The following MVB12B variants were observed in gnomAD, a reference collection of about 807,000 sequenced individuals.
The protein encoded by MVB12B is multivesicular body subunit 12B.
A neutral mutation model predicts 41.6 loss-of-function variants in MVB12B; 16 were observed. The observed-to-expected ratio is 0.38, with a 90% CI of 0.26 to 0.58. MVB12B has a LOEUF of 0.58. MVB12B is among the 20% of genes least tolerant of loss of function. The probability of loss-of-function intolerance (pLI) is 0.62; values close to 1 mark genes in which losing one functional copy is unlikely to be tolerated. For synonymous variants in MVB12B, 133 were observed against 139.7 expected, an observed-to-expected ratio of 0.95 and a Z score of 0.34; for missense variants, 274 against 380.2, an observed-to-expected ratio of 0.72 and a Z score of 2.32.
intron 9 of MVB12B, among the ~76,000 whole-genome samples, chr9:126,496,843 TAGGGTGCCCTGAAGGTG>T (rs1217671778): frequency 1.3e-5 from 2 of 152,008 alleles, no homozygotes; most frequent in African/African-American, 4.8e-5. Context: ...TTTTGTGAGA[TAGGGTGCCCTGAAGGTG>T]AGGGCGCTCT....
At chr9:126,417,154 T>C (rs557513550) in intron 6 of MVB12B, among the ~76,000 whole-genome samples, 15 of 152,280 alleles carry the variant, frequency 9.9e-5, no homozygotes, top group African/African-American at 3.6e-4. Flanking sequence ...CCCTAAAGCT[T>C]TCTCTGCCCA....
chr9:126,403,542 T>G (rs1310534234), intron 6 of MVB12B, among the ~76,000 whole-genome samples: 2 of 152,250 alleles, frequency 1.3e-5, no homozygotes, highest in Non-Finnish European at 2.9e-5. Flanking sequence ...TGACTAGATT[T>G]GCTGCTTACT....
intron 6 of MVB12B, among the ~76,000 whole-genome samples, chr9:126,412,802 T>C (rs114317017): frequency 5.5e-4 from 84 of 152,328 alleles, no homozygotes; most frequent in African/African-American, 1.9e-3. Context: ...AAGATTGTCT[T>C]ATGGGATTGT....
intron 1 of MVB12B, among the ~76,000 whole-genome samples, chr9:126,339,564 C>T (rs1829380375): frequency 6.6e-6 from 1 of 152,204 alleles, no homozygotes; most frequent in Admixed American, 6.5e-5. Flanking sequence ...AGGCAGTCAG[C>T]AGCAGAATAA....
chr9:126,400,526 C>T (rs371215094), intron 6 of MVB12B, among the ~76,000 whole-genome samples: 1 of 152,142 alleles, frequency 6.6e-6, no homozygotes, highest in African/African-American at 2.4e-5. Context: ...ATTCCCTCTC[C>T]CCACCTACAG....
At chr9:126,350,960 G>A (rs1375258234) in intron 2 of MVB12B, among the ~76,000 whole-genome samples, 1 of 152,140 alleles carries the variant, frequency 6.6e-6, no homozygotes, top group Non-Finnish European at 1.5e-5. Flanking sequence ...TGTTAAATCT[G>A]CATATCAATT....
intron 6 of MVB12B, chr9:126,397,576 A>ATGC (rs1177506859): frequency 2.0e-6 from 2 of 985,180 alleles, no homozygotes; most frequent in African/African-American, 3.5e-5. Flanking sequence ...GTCAGCCAAT[A>ATGC]TGCAACAGGA....
intron 6 of MVB12B, among the ~76,000 whole-genome samples, chr9:126,415,588 C>A (rs149265885): frequency 2.2e-4 from 34 of 152,228 alleles, no homozygotes; most frequent in African/African-American, 7.7e-4. Context: ...CCAACCCAGT[C>A]GTGGGGATGA....
chr9:126,430,655 A>G (rs555585426), intron 7 of MVB12B, among the ~76,000 whole-genome samples: 9 of 151,548 alleles, frequency 5.9e-5, no homozygotes, highest in African/African-American at 2.2e-4. Flanking sequence ...CATTCACTCA[A>G]CAGTCACCGA....
chr9:126,500,022 C>T (rs556456958), intron 9 of MVB12B, among the ~76,000 whole-genome samples: 1 of 152,310 alleles, frequency 6.6e-6, no homozygotes, highest in South Asian at 2.1e-4. Context: ...CTCACACAGG[C>T]GTGGAAGCGT....
chr9:126,497,425 T>C (rs778256821), intron 9 of MVB12B, among the ~76,000 whole-genome samples: 3 of 152,062 alleles, frequency 2.0e-5, no homozygotes, highest in Non-Finnish European at 2.9e-5. Flanking sequence ...TGAAGGCCTC[T>C]CCCAGCTGTG....
intron 9 of MVB12B, among the ~76,000 whole-genome samples, chr9:126,502,243 C>T (rs79386358): frequency 0.052 from 7,854 of 152,250 alleles, 268 homozygotes; most frequent in Non-Finnish European, 0.081. Flanking sequence ...CAACGCCTTG[C>T]ACCTGTGTCC....
chr9:126,419,285 T>C (rs1003954729), intron 6 of MVB12B, among the ~76,000 whole-genome samples: 5 of 152,176 alleles, frequency 3.3e-5, no homozygotes, highest in African/African-American at 1.2e-4. Context: ...GGAAATTCCC[T>C]CATTGGTATA....
At position 126,463,232 on chromosome 9, in the gene MVB12B, C is replaced by T. The variant is rs77495692; in HGVS notation, c.758-18137C>T. On this transcript the variant is annotated intron_variant, in intron 7 of 9. Coordinates refer to ENST00000361171, the MANE Select transcript of MVB12B (RefSeq NM_033446.3). The stretch of plus-strand genomic sequence containing the variant: ...GGTTGGTGTGTGTTCTCCTGCCTCC[C>T]GTCTCCAAGAGGCGTGAGTTCTAAG... 4.8e-3 allele frequency among the ~76,000 whole-genome samples: 728 copies of T among 152,240 alleles called. 5 individuals are homozygous for T. Among genetic ancestry groups the T allele is most frequent in the African/African-American group, 0.017 (701 of 41,556 alleles).
At chr9:126,327,095 C>T in intron 1 of MVB12B, 85 bp downstream of exon 1, 1 of 225,770 alleles carries the variant, frequency 4.4e-6, no homozygotes, top group Middle Eastern at 2.2e-3. Context: ...GGGCCCCCGG[C>T]CGAGGGGCGG....
rs1272852754 is a variant in MVB12B, at chr9:126,473,114, AT to A, written c.758-8252del. On this transcript the variant is annotated intron_variant, in intron 7 of 9. Coordinates refer to ENST00000361171, the MANE Select transcript of MVB12B (RefSeq NM_033446.3). This position sits in a 1 kb window ranked among gnomAD's most constrained non-coding sequence, Gnocchi z 4.0. ...GTGGGTGCTTTATCTCTGTCGTCTT[AT>A]TTCATTTTTCTTCACCCTCACCACA... Among the ~76,000 whole-genome samples, 2 of 152,066 alleles carry A rather than the reference AT, an allele frequency of 1.3e-5. No homozygotes were observed. The highest frequency in any genetic ancestry group is 2.9e-5 in the Non-Finnish European group (2 of 68,016).
intron 6 of MVB12B, among the ~76,000 whole-genome samples, chr9:126,410,758 C>A (rs1057459410): frequency 1.3e-5 from 2 of 152,170 alleles, no homozygotes; most frequent in African/African-American, 4.8e-5. Flanking sequence ...CGGGCCTCTT[C>A]TCCCCAGCCA....
intron 9 of MVB12B, among the ~76,000 whole-genome samples, chr9:126,502,450 G>A (rs1346907264): frequency 2.0e-5 from 3 of 152,188 alleles, no homozygotes; most frequent in Non-Finnish European, 2.9e-5. Context: ...GTGAGCCAGG[G>A]TCGGTTAGGT....
intron 6 of MVB12B, among the ~76,000 whole-genome samples, chr9:126,413,104 C>T (rs913978007): frequency 6.6e-6 from 1 of 152,184 alleles, no homozygotes; most frequent in Non-Finnish European, 1.5e-5. Context: ...ACACAGATCC[C>T]GAGCATCTCA....
Sources: allele counts gnomAD v4.1 joint callset (sites outside exome capture counted in the v4.1 genomes callset), GRCh38; gene constraint gnomAD v4.1.1; non-coding constraint Gnocchi (gnomAD v3.1); transcripts MANE v1.5; gene names NCBI Gene and HGNC (gene_info 2026-07-23, HGNC 2026-07-21).